RAI14: variants seen among roughly 807,000 people sequenced by gnomAD.
The protein encoded by RAI14 is ankycorbin.
RAI14 carries 45 observed loss-of-function variants against 115.4 expected under a neutral mutation model. The ratio of observed to expected loss-of-function variants is 0.39; its 90% confidence interval spans 0.31 to 0.50. RAI14 has a LOEUF of 0.50. Ranked by LOEUF, RAI14 falls within the 20% of genes least tolerant of loss-of-function variation. The probability of loss-of-function intolerance (pLI) is 0.85; values close to 1 mark genes in which losing one functional copy is unlikely to be tolerated. For missense variants in RAI14, 939 were observed against 1,131.2 expected (o/e 0.83, Z 2.44); for synonymous variants, 371 against 415.4 (o/e 0.89, Z 1.30).
chr5:34,701,087 C>T (rs924055498), intron 2 of RAI14, among the ~76,000 whole-genome samples: 11 of 152,130 alleles, frequency 7.2e-5, no homozygotes, highest in Middle Eastern at 6.8e-3. Flanking sequence ...CTATTGAGGA[C>T]GAAACTCTGA....
At chr5:34,776,083 C>G (rs1286194719) in intron 3 of RAI14, among the ~76,000 whole-genome samples, 1 of 152,098 alleles carries the variant, frequency 6.6e-6, no homozygotes, top group Non-Finnish European at 1.5e-5. Flanking sequence ...GAGTACTGTT[C>G]AGCCATAAAA....
At chr5:34,733,633 A>T (rs2150028428) in intron 2 of RAI14, among the ~76,000 whole-genome samples, 1 of 152,328 alleles carries the variant, frequency 6.6e-6, no homozygotes, top group Non-Finnish European at 1.5e-5. Context: ...GGGAGAGAAG[A>T]GATAGAGGGC....
intron 2 of RAI14, among the ~76,000 whole-genome samples, chr5:34,722,345 T>C (rs573500396): frequency 1.3e-5 from 2 of 151,264 alleles, no homozygotes; most frequent in African/African-American, 4.9e-5. Context: ...GAAAAGTCCA[T>C]GTGGTGACAC....
intron 2 of RAI14, among the ~76,000 whole-genome samples, chr5:34,746,495 C>T (rs1443826747): frequency 6.7e-6 from 1 of 149,354 alleles, no homozygotes; most frequent in Non-Finnish European, 1.5e-5. Context: ...ACCTCTGTCT[C>T]CTGGGTTCAA....
At chr5:34,798,860 T>C (rs918784178) in intron 4 of RAI14, among the ~76,000 whole-genome samples, 1 of 152,208 alleles carries the variant, frequency 6.6e-6, no homozygotes, top group South Asian at 2.1e-4. Context: ...CCACAGCACT[T>C]TGGGGCCACA....
Position 34,772,252 on chromosome 5 carries a change from A to G in RAI14, c.167+14654A>G, listed in dbSNP as rs551142471. On this transcript the variant is annotated intron_variant, in intron 3 of 17. Transcript: ENST00000265109. ...TTAACAAATGGTGCCGTTTCTCAGT[A>G]AAATGATAAAGAACCAGCTCTAATT... Among the ~76,000 whole-genome samples the G allele has an allele frequency of 2.6e-5, 4 of 152,292 alleles. No homozygotes were observed. The South Asian group carries it at 8.3e-4, about 32-fold the overall frequency.
At chr5:34,735,608 AGTT>A (rs1202509225) in intron 2 of RAI14, among the ~76,000 whole-genome samples, 3 of 152,348 alleles carry the variant, frequency 2.0e-5, no homozygotes, top group South Asian at 2.1e-4. Flanking sequence ...TAACTTTGAA[AGTT>A]GTTGTAGTCA....
chr5:34,719,115 G>C (rs775511294), intron 2 of RAI14, among the ~76,000 whole-genome samples: 2 of 151,376 alleles, frequency 1.3e-5, no homozygotes, highest in Non-Finnish European at 2.9e-5. Flanking sequence ...TCTCTGATCC[G>C]TGTTGTGGAA....
chr5:34,772,402 C>T (rs55919621), intron 3 of RAI14, among the ~76,000 whole-genome samples: 13,459 of 152,126 alleles, frequency 0.088, 1,034 homozygotes, highest in African/African-American at 0.21. Context: ...CCACAGTTAC[C>T]TTTGCACTAA....
rs745804023 is a variant in RAI14, at chr5:34,824,379, A to G, written c.2537A>G (p.Glu846Gly). Reference protein sequence around the residue: ...ENIQTLLKSKEQEVNELLQKF... With the variant: ...ENIQTLLKSKGQEVNELLQKF... ...ATTCAGACTCTCTTGAAATCCAAAG[A>G]GCAAGAAGTAAATGAACTTCTGCAA... The change falls in exon 15 of 18, where the codon GAG (glutamate) becomes GGG (glycine). Residue 846 changes from glutamate (E) to glycine (G), a missense_variant. Coordinates refer to ENST00000265109, the MANE Select transcript of RAI14 (RefSeq NM_015577.3). 2.0e-5 allele frequency: 33 copies of G among 1,612,518 alleles called. No homozygotes were observed. Among genetic ancestry groups the G allele is most frequent in the Non-Finnish European group, 2.5e-5 (29 of 1,178,820 alleles).
chr5:34,776,579 A>G (rs1247808974), intron 3 of RAI14, among the ~76,000 whole-genome samples: 1 of 151,788 alleles, frequency 6.6e-6, no homozygotes, highest in Non-Finnish European at 1.5e-5. Flanking sequence ...GCTGAGGCAG[A>G]TGGTTCACTG....
At chr5:34,777,929 C>T (rs1029652189) in intron 3 of RAI14, among the ~76,000 whole-genome samples, 1 of 152,016 alleles carries the variant, frequency 6.6e-6, no homozygotes, top group African/African-American at 2.4e-5. Flanking sequence ...TGAATAAACC[C>T]CACTATTAGA....
At chr5:34,693,777 T>C (rs1362643234) in intron 2 of RAI14, among the ~76,000 whole-genome samples, 1 of 152,200 alleles carries the variant, frequency 6.6e-6, no homozygotes, top group African/African-American at 2.4e-5. Flanking sequence ...AGCTTCAAAC[T>C]GCATAAAATA....
At chr5:34,733,356 C>G (rs1744432892) in intron 2 of RAI14, 1 of 152,150 alleles carries the variant, frequency 6.6e-6, no homozygotes, top group Admixed American at 6.6e-5. Flanking sequence ...CTCGAATGCT[C>G]CTATTGAACA....
intron 2 of RAI14, among the ~76,000 whole-genome samples, chr5:34,743,536 C>G (rs1745788573): frequency 1.3e-5 from 2 of 152,128 alleles, no homozygotes; most frequent in Admixed American, 1.3e-4. Context: ...TCTGAGGTTC[C>G]AGGTAGACAT....
chr5:34,780,685 A>G (rs1751503282), intron 3 of RAI14, among the ~76,000 whole-genome samples: 2 of 152,190 alleles, frequency 1.3e-5, no homozygotes, highest in South Asian at 4.1e-4. Flanking sequence ...ACCATCTCAC[A>G]CCAGTTAGAA....
At chr5:34,743,400 C>G (rs1210797847) in intron 2 of RAI14, among the ~76,000 whole-genome samples, 1 of 152,168 alleles carries the variant, frequency 6.6e-6, no homozygotes, top group Non-Finnish European at 1.5e-5. Context: ...GTCTCTGCAT[C>G]CTCTGTTCCA....
intron 2 of RAI14, among the ~76,000 whole-genome samples, chr5:34,705,734 G>A (rs1323130599): frequency 4.6e-5 from 7 of 152,036 alleles, no homozygotes; most frequent in African/African-American, 1.7e-4. Flanking sequence ...TGCAACCTCC[G>A]CCTCCTGGGT....
intron 7 of RAI14, 124 bp from the exon 8 acceptor site, chr5:34,810,888 C>A (rs1161181879): frequency 4.8e-6 from 7 of 1,445,716 alleles, no homozygotes; most frequent in South Asian, 4.0e-5. Context: ...CAGGTTGGAC[C>A]AGATACTAGA....
Sources: allele counts gnomAD v4.1 joint callset (sites outside exome capture counted in the v4.1 genomes callset), GRCh38; gene constraint gnomAD v4.1.1; transcripts MANE v1.5; gene names NCBI Gene and HGNC (gene_info 2026-07-23, HGNC 2026-07-21).